The following DCAF6 variants were observed in gnomAD, a reference collection of about 807,000 sequenced individuals.
The protein encoded by DCAF6 is DDB1 and CUL4 associated factor 6, also known as DDB1- and CUL4-associated factor 6.
DCAF6 carries 54 observed loss-of-function variants against 125.1 expected under a neutral mutation model. The observed-to-expected ratio is 0.43, with a 90% CI of 0.35 to 0.54. The LOEUF is 0.54. Among genes scored for constraint, DCAF6 ranks in the 20% least tolerant of loss-of-function variants. DCAF6 has a pLI of 0.01. For missense variants in DCAF6, 934 were observed against 1,161.7 expected (o/e 0.80, Z 2.85); for synonymous variants, 371 against 390.4 (o/e 0.95, Z 0.58).
chr1:168,061,279 A>G (rs1691562803), intron 17 of DCAF6, among the ~76,000 whole-genome samples: 1 of 152,182 alleles, frequency 6.6e-6, no homozygotes, highest in Non-Finnish European at 1.5e-5. Flanking sequence ...AAGTTTTGAA[A>G]ACACTTTTTA....
intron 3 of DCAF6, among the ~76,000 whole-genome samples, chr1:167,967,084 A>C (rs1412721681): frequency 6.6e-6 from 1 of 152,202 alleles, no homozygotes; most frequent in African/African-American, 2.4e-5. Context: ...TTATCTTAAC[A>C]TTCTAAAAAG....
intron 2 of DCAF6, among the ~76,000 whole-genome samples, chr1:167,956,446 T>TC (rs1170980472): frequency 3.9e-5 from 6 of 152,200 alleles, no homozygotes; most frequent in Admixed American, 1.3e-4. Flanking sequence ...TAATATTTTC[T>TC]CCATGTTTTT....
At chr1:167,953,301 C>T (rs1674265426) in intron 2 of DCAF6, among the ~76,000 whole-genome samples, 1 of 152,138 alleles carries the variant, frequency 6.6e-6, no homozygotes, top group Non-Finnish European at 1.5e-5. Flanking sequence ...TCAAATGTTG[C>T]CTACCAAAGC....
In DCAF6 at chr1:167,974,539, T is replaced by C. The variant is rs1017553496; in HGVS notation, c.253-291T>C. 2.6e-5 allele frequency among the ~76,000 whole-genome samples: 4 copies of C among 152,316 alleles called. No homozygotes were observed. The South Asian group carries it at 8.3e-4, about 32-fold the overall frequency. On this transcript the variant is annotated intron_variant, in intron 3 of 21. Coordinates refer to ENST00000367840, the MANE Select transcript of DCAF6 (RefSeq NM_001198956.2). Reference sequence around the variant, plus strand: ...AGTCAAAGTAGTTCGTTGTTATTTATTGAGATTTTATGAGTGAGTCAGATA... The same window carrying C: ...AGTCAAAGTAGTTCGTTGTTATTTACTGAGATTTTATGAGTGAGTCAGATA...
intron 12 of DCAF6, among the ~76,000 whole-genome samples, chr1:168,024,746 G>C (rs994964263): frequency 1.3e-5 from 2 of 151,128 alleles, no homozygotes; most frequent in Non-Finnish European, 1.5e-5. Flanking sequence ...GGAGGTTACA[G>C]TGAGCCGAGA....
chr1:167,969,993 T>C (rs576843332), intron 3 of DCAF6, among the ~76,000 whole-genome samples: 5 of 152,164 alleles, frequency 3.3e-5, no homozygotes, highest in Non-Finnish European at 7.3e-5. Flanking sequence ...GCCAGGCTGG[T>C]CTCGAACTCC....
chr1:167,925,480 T>TATATATATATAC, the DCAF6 span, among the ~76,000 whole-genome samples: 2 of 134,898 alleles, frequency 1.5e-5, no homozygotes, highest in African/African-American at 5.6e-5. Context: ...TATATACATA[T>TATATATATATAC]ACATATACAC....
At chr1:167,913,149 C>T in the DCAF6 span, among the ~76,000 whole-genome samples, 1 of 152,032 alleles carries the variant, frequency 6.6e-6, no homozygotes, top group African/African-American at 2.4e-5. Context: ...TGACAAAGCG[C>T]GGAAGCACCT....
At chr1:167,911,232 C>T in the DCAF6 span, among the ~76,000 whole-genome samples, 2 of 152,234 alleles carry the variant, frequency 1.3e-5, no homozygotes, top group African/African-American at 4.8e-5. Flanking sequence ...GTAGAGGTTC[C>T]TCTTCAAAGA....
intron 1 of DCAF6, among the ~76,000 whole-genome samples, chr1:167,950,991 C>T (rs1243404219): frequency 6.6e-6 from 1 of 152,106 alleles, no homozygotes; most frequent in African/African-American, 2.4e-5. Context: ...TTGCTGTTTG[C>T]CATCCTATTT....
chr1:168,024,805 A>C (rs1399481977), intron 12 of DCAF6, among the ~76,000 whole-genome samples: 28 of 123,598 alleles, frequency 2.3e-4, no homozygotes, highest in Admixed American at 9.2e-4. Context: ...CTCTGTATCC[A>C]AAAAAAAAAA....
chr1:167,897,360 A>G, the DCAF6 span, among the ~76,000 whole-genome samples: 6 of 150,340 alleles, frequency 4.0e-5, no homozygotes, highest in Non-Finnish European at 5.9e-5. Context: ...AGCCAGGTGT[A>G]GTGGCACATG....
At chr1:167,948,529 A>T (rs188953549) in intron 1 of DCAF6, among the ~76,000 whole-genome samples, 1 of 152,324 alleles carries the variant, frequency 6.6e-6, no homozygotes, top group East Asian at 1.9e-4. Context: ...AGTAAAGGAG[A>T]TAGGTATGTG....
chr1:167,954,643 G>C (rs1674488865), intron 2 of DCAF6, among the ~76,000 whole-genome samples: 1 of 151,620 alleles, frequency 6.6e-6, no homozygotes, highest in Admixed American at 6.6e-5. Flanking sequence ...TAGTAGAGAC[G>C]GTGTTTCACT....
At chr1:168,056,394 C>A in intron 17 of DCAF6, 1 of 1,402,834 alleles carries the variant, frequency 7.1e-7, no homozygotes, top group Non-Finnish European at 9.3e-7. Context: ...GAGCAGGGCC[C>A]GCACGCTCCG....
At chr1:167,935,045 C>G (rs935504318), upstream of DCAF6, among the ~76,000 whole-genome samples, 1 of 152,006 alleles carries the variant, frequency 6.6e-6, no homozygotes. Context: ...TTCTCATAGA[C>G]CGCGTATTAC....
At chr1:167,916,989 A>G in the DCAF6 span, 2 of 152,320 alleles carry the variant, frequency 1.3e-5, no homozygotes, top group African/African-American at 2.4e-5. Flanking sequence ...AAGGTTTTCA[A>G]TTGCTAACTG....
chr1:167,886,889 A>T, the DCAF6 span, among the ~76,000 whole-genome samples: 1 of 152,272 alleles, frequency 6.6e-6, no homozygotes, highest in African/African-American at 2.4e-5. Context: ...GGCAAAGGAT[A>T]TGAACAGACA....
At chr1:167,876,889 A>G in the DCAF6 span, among the ~76,000 whole-genome samples, 3 of 152,128 alleles carry the variant, frequency 2.0e-5, no homozygotes, top group Admixed American at 6.5e-5. Flanking sequence ...CTCCTCCAGT[A>G]TTGCCAGGAC....
Sources: allele counts gnomAD v4.1 joint callset (sites outside exome capture counted in the v4.1 genomes callset), GRCh38; gene constraint gnomAD v4.1.1; transcripts MANE v1.5; gene names NCBI Gene and HGNC (gene_info 2026-07-23, HGNC 2026-07-21).